The following VPS45 variants were observed in gnomAD, a reference collection of about 807,000 sequenced individuals.
VPS45 encodes vacuolar protein sorting 45 homolog.
In VPS45, 35 loss-of-function variants were observed where a neutral mutation model predicts 75.9. The observed-to-expected ratio is 0.46, with a 90% CI of 0.35 to 0.61. The LOEUF is 0.61. Among genes scored for constraint, VPS45 ranks in the 20% least tolerant of loss-of-function variants. The pLI, the probability that VPS45 is intolerant of heterozygous loss-of-function variation, is 0.00. For missense variants in VPS45, 559 were observed against 685.9 expected (o/e 0.81, Z 2.07); for synonymous variants, 220 against 238.2 (o/e 0.92, Z 0.70).
In VPS45 at chr1:150,108,481, A is replaced by T. The variant is rs1178498880; in HGVS notation, c.1494-2015A>T. On this transcript the variant is annotated intron_variant, in intron 13 of 14. Transcript: ENST00000644510. ...GTGGTCACTATACTGAATGGAACAG[A>T]TGGAGAGAATGAGTTTAGATTAAGA... is the stretch of plus-strand genomic sequence containing the variant. Among the ~76,000 whole-genome samples the T allele has an allele frequency of 2.6e-5, 4 of 152,206 alleles. No homozygotes were observed. In the East Asian group the frequency reaches 5.8e-4, roughly 22 times the overall value.
rs117762259 is a variant in VPS45, at chr1:150,113,525, C to T, written c.1625+2898C>T. On this transcript the variant is annotated intron_variant, in intron 14 of 14. Coordinates refer to ENST00000644510, the MANE Select transcript of VPS45 (RefSeq NM_007259.5). Reference sequence around the variant, plus strand: ...TCATGCTCCCTCCTTGTCACAAATCCGTGCAAAGTATTCATTATTATGACT... The same window carrying T: ...TCATGCTCCCTCCTTGTCACAAATCTGTGCAAAGTATTCATTATTATGACT... 1.6e-3 allele frequency among the ~76,000 whole-genome samples: 239 copies of T among 152,246 alleles called. 4 individuals are homozygous for T. In the East Asian group the frequency reaches 0.034, roughly 22 times the overall value.
intron 6 of VPS45, 113 bp downstream of exon 6, chr1:150,077,344 G>A: frequency 1.5e-6 from 2 of 1,340,472 alleles, no homozygotes. Flanking sequence ...TTGTATGTTA[G>A]GTTTCCGCGA....
intron 10 of VPS45, among the ~76,000 whole-genome samples, chr1:150,090,741 T>A (rs1287589394): frequency 6.6e-6 from 1 of 152,244 alleles, no homozygotes; most frequent in Admixed American, 6.5e-5. Context: ...TCATAAAGAC[T>A]ACTTTGTCAA....
chr1:150,108,834 A>C (rs1657476834), intron 13 of VPS45, among the ~76,000 whole-genome samples: 1 of 152,118 alleles, frequency 6.6e-6, no homozygotes, highest in Non-Finnish European at 1.5e-5. Flanking sequence ...CACGGATCTA[A>C]GAGGAGGCAG....
chr1:150,082,580 G>T, intron 9 of VPS45, 136 bp from the exon 10 acceptor site: 1 of 992,794 alleles, frequency 1.0e-6, no homozygotes, highest in Non-Finnish European at 1.5e-6. Context: ...ATAACAAAAT[G>T]CCATGTGGCT....
intron 3 of VPS45, among the ~76,000 whole-genome samples, chr1:150,075,357 T>C (rs1655317825): frequency 6.6e-6 from 1 of 152,140 alleles, no homozygotes; most frequent in South Asian, 2.1e-4. Context: ...ACATGTTCCT[T>C]GAAGTTTAAA....
At chr1:150,077,589 G>T in intron 6 of VPS45, 80 bp from the exon 7 acceptor site, 1 of 979,366 alleles carries the variant, frequency 1.0e-6, no homozygotes, top group South Asian at 1.4e-5. Context: ...GTTAAATGTA[G>T]TGTTTATTAA....
chr1:150,084,199 T>G (rs1461244779), intron 10 of VPS45, among the ~76,000 whole-genome samples: 2 of 152,148 alleles, frequency 1.3e-5, no homozygotes, highest in African/African-American at 4.8e-5. Flanking sequence ...AAAATTGAAT[T>G]GGTAAACAAA....
At chr1:150,095,901 T>C (rs187260475) in intron 13 of VPS45, among the ~76,000 whole-genome samples, 4 of 152,266 alleles carry the variant, frequency 2.6e-5, no homozygotes, top group Non-Finnish European at 2.9e-5. Context: ...AATTGTGTTT[T>C]AAAAGATATT....
In VPS45 at chr1:150,087,929, A is replaced by T. The variant is rs144960753; in HGVS notation, c.1105-4008A>T. Among the ~76,000 whole-genome samples, 658 of 152,086 alleles carry T rather than the reference A, an allele frequency of 4.3e-3. 2 individuals are homozygous for T. Among genetic ancestry groups the T allele is most frequent in the Middle Eastern group, 0.034 (10 of 294 alleles). On this transcript the variant is annotated intron_variant, in intron 10 of 14. Coordinates refer to ENST00000644510, the MANE Select transcript of VPS45 (RefSeq NM_007259.5). ...ACCAAGTCTCAAGGAATGGAAGTGGATTTTTTTTAGGATTGATGCATAATG... is the reference window on the plus strand; with the variant it reads ...ACCAAGTCTCAAGGAATGGAAGTGGTTTTTTTTTAGGATTGATGCATAATG...
chr1:150,127,003 C>T (rs1658554839), intron 14 of VPS45, among the ~76,000 whole-genome samples: 2 of 152,196 alleles, frequency 1.3e-5, no homozygotes, highest in African/African-American at 4.8e-5. Context: ...CTGATGTCAA[C>T]TGATGTTATG....
chr1:150,127,501 T>C (rs1461865528), intron 14 of VPS45, among the ~76,000 whole-genome samples: 2 of 152,176 alleles, frequency 1.3e-5, no homozygotes, highest in Non-Finnish European at 2.9e-5. Flanking sequence ...TTGTCCAGAC[T>C]GGTCTCAAAC....
At chr1:150,084,488 A>G (rs1037998772) in intron 10 of VPS45, among the ~76,000 whole-genome samples, 1 of 152,176 alleles carries the variant, frequency 6.6e-6, no homozygotes, top group Non-Finnish European at 1.5e-5. Flanking sequence ...GATAGAATAA[A>G]TCAGAGGTAA....
chr1:150,139,305 C>T (rs1553814649), intron 14 of VPS45, among the ~76,000 whole-genome samples: 1 of 152,166 alleles, frequency 6.6e-6, no homozygotes, highest in African/African-American at 2.4e-5. Context: ...TACTATCCAA[C>T]ACCTTATTCA....
At chr1:150,111,353 T>A (rs1220012021) in intron 14 of VPS45, among the ~76,000 whole-genome samples, 3 of 152,182 alleles carry the variant, frequency 2.0e-5, no homozygotes, top group Non-Finnish European at 2.9e-5. Flanking sequence ...GCAACATACA[T>A]ACACAAAGAA....
At chr1:150,138,581 A>G (rs925787540) in intron 14 of VPS45, among the ~76,000 whole-genome samples, 1 of 152,156 alleles carries the variant, frequency 6.6e-6, no homozygotes, top group Admixed American at 6.5e-5. Flanking sequence ...ATGTTCAGCA[A>G]CATTCCTGGC....
At chr1:150,140,660 T>C (rs1330006627) in intron 14 of VPS45, among the ~76,000 whole-genome samples, 2 of 152,168 alleles carry the variant, frequency 1.3e-5, no homozygotes, top group Admixed American at 6.5e-5. Flanking sequence ...AGTAAATATT[T>C]GTTGATCAAA....
At chr1:150,108,043 A>G (rs996887316) in intron 13 of VPS45, among the ~76,000 whole-genome samples, 18 of 152,202 alleles carry the variant, frequency 1.2e-4, no homozygotes, top group Admixed American at 1.2e-3. Context: ...AAGAGTTAGG[A>G]TGAGTCCAAA....
At chr1:150,092,902 C>T (rs1369218101) in intron 12 of VPS45, among the ~76,000 whole-genome samples, 1 of 117,200 alleles carries the variant, frequency 8.5e-6, no homozygotes, top group Non-Finnish European at 1.6e-5. Flanking sequence ...AGTGCAGTGG[C>T]GTGATCTCGG....
Sources: gnomAD v4.1 joint callset for allele counts (sites outside exome capture counted in the v4.1 genomes callset) on GRCh38, gnomAD v4.1.1 for gene constraint, MANE v1.5 for transcripts, NCBI Gene and HGNC (gene_info 2026-07-23, HGNC 2026-07-21) for gene names.